The following SYN3 variants were observed in gnomAD, a reference collection of about 807,000 sequenced individuals.
The protein encoded by SYN3 is synapsin III, also known as synapsin-3.
A neutral mutation model predicts 65.8 loss-of-function variants in SYN3; 35 were observed. The observed-to-expected ratio is 0.53, with a 90% CI of 0.41 to 0.70. SYN3 has a LOEUF of 0.70. Among genes scored for constraint, SYN3 ranks in the 30% least tolerant of loss-of-function variants. The pLI, the probability that SYN3 is intolerant of heterozygous loss-of-function variation, is 0.00. For synonymous variants in SYN3, 270 were observed against 292.9 expected (o/e 0.92, Z 0.80); for missense variants, 680 against 749.0 (o/e 0.91, Z 1.08).
intron 3 of SYN3, chr22:32,947,377 G>A (rs1243456689): frequency 1.3e-5 from 2 of 152,146 alleles, no homozygotes; most frequent in African/African-American, 4.8e-5. Flanking sequence ...TTTATACCCA[G>A]CTCCTGGCAC....
intron 2 of SYN3, among the ~76,000 whole-genome samples, chr22:32,998,432 T>C (rs1041755491): frequency 6.6e-6 from 1 of 151,988 alleles, no homozygotes; most frequent in East Asian, 1.9e-4. Flanking sequence ...AAAGAAACCA[T>C]TGGGAAGGGT....
intron 6 of SYN3, among the ~76,000 whole-genome samples, chr22:32,737,408 T>G (rs1239189315): frequency 3.3e-5 from 5 of 152,172 alleles, no homozygotes. Flanking sequence ...GTTGGTGTGC[T>G]GCACCCATTA....
chr22:32,751,107 C>G (rs572511204), intron 6 of SYN3, among the ~76,000 whole-genome samples: 1 of 152,154 alleles, frequency 6.6e-6, no homozygotes, highest in Admixed American at 6.5e-5. Flanking sequence ...CAGCCCCCAG[C>G]CCCCAGCCGG....
intron 1 of SYN3, among the ~76,000 whole-genome samples, chr22:33,028,670 G>GTGGTGGTGATGGTGGTGGTGGTGA (rs1569413425): frequency 8.5e-6 from 1 of 118,086 alleles, no homozygotes; most frequent in East Asian, 2.8e-4. Flanking sequence ...GGTGGTGGTG[G>GTGGTGGTGATGGTGGTGGTGGTGA]TGGTGGTGGT....
intron 3 of SYN3, among the ~76,000 whole-genome samples, chr22:32,964,432 A>T (rs2051762823): frequency 6.6e-6 from 1 of 151,846 alleles, no homozygotes; most frequent in Admixed American, 6.6e-5. Context: ...AAAAAAAAAA[A>T]AAAAAAGAAA....
chr22:32,636,263 G>C (rs142434190), intron 6 of SYN3, among the ~76,000 whole-genome samples: 1 of 152,094 alleles, frequency 6.6e-6, no homozygotes, highest in Non-Finnish European at 1.5e-5. Flanking sequence ...TCAGCCGGGC[G>C]TGGTGGCCAG....
rs2020103 is a variant in SYN3 at position 32,930,362 on chromosome 22, A to T, written c.461+1028T>A. On this transcript the variant is annotated intron_variant, in intron 4 of 13. Transcript: ENST00000358763. ...TCTCTTGTCTGCCATCAGGTAAGAT[A>T]TGCCTTTCACCTTCCACCGTGATTG... Among the ~76,000 whole-genome samples the T allele has an allele frequency of 5.3e-5, 8 of 152,182 alleles. No individual in the cohort carries two copies. In the East Asian group the frequency reaches 9.7e-4, roughly 18 times the overall value.
At chr22:33,023,888 A>G (rs2053598388) in intron 1 of SYN3, among the ~76,000 whole-genome samples, 1 of 152,198 alleles carries the variant, frequency 6.6e-6, no homozygotes, top group South Asian at 2.1e-4. Context: ...TCATATATGT[A>G]TTCTAGTCTA....
At chr22:32,902,569 T>A (rs2049790578) in intron 4 of SYN3, among the ~76,000 whole-genome samples, 1 of 152,234 alleles carries the variant, frequency 6.6e-6, no homozygotes. Context: ...AGGCCCAGGT[T>A]GTACCTTGCT....
At chr22:32,783,623 T>C (rs2046124986) in intron 6 of SYN3, among the ~76,000 whole-genome samples, 1 of 152,096 alleles carries the variant, frequency 6.6e-6, no homozygotes, top group South Asian at 2.1e-4. Context: ...CTGTGCGCCG[T>C]CTCTGAAATA....
intron 1 of SYN3, 21 bp downstream of exon 1, chr22:33,058,271 T>C (rs1183276706): frequency 2.0e-5 from 3 of 151,908 alleles, no homozygotes; most frequent in Non-Finnish European, 2.9e-5. Context: ...AAAGTCTACT[T>C]TGCGGCGCCG....
At chr22:32,873,397 TG>T (rs1410114445) in intron 4 of SYN3, among the ~76,000 whole-genome samples, 1 of 152,168 alleles carries the variant, frequency 6.6e-6, no homozygotes, top group Non-Finnish European at 1.5e-5. Context: ...CTGGAAGCCT[TG>T]GTCTTAAAAG....
At chr22:32,994,471 C>G (rs933211457) in intron 2 of SYN3, among the ~76,000 whole-genome samples, 21 of 152,182 alleles carry the variant, frequency 1.4e-4, no homozygotes, top group Admixed American at 1.2e-3. Flanking sequence ...CCACCCCCAG[C>G]CCCTCCAGCC....
intron 6 of SYN3, among the ~76,000 whole-genome samples, chr22:32,640,958 G>A (rs1375119863): frequency 6.6e-6 from 1 of 152,138 alleles, no homozygotes; most frequent in Non-Finnish European, 1.5e-5. Flanking sequence ...AATAAGCATC[G>A]GGCTTCAAGT....
intron 7 of SYN3, among the ~76,000 whole-genome samples, chr22:32,547,927 C>G (rs2058357704): frequency 6.6e-6 from 1 of 152,202 alleles, no homozygotes; most frequent in Admixed American, 6.5e-5. Context: ...ATGAATGGCC[C>G]TCGTTATTCT....
At chr22:32,886,465 A>C (rs545428765) in intron 4 of SYN3, among the ~76,000 whole-genome samples, 1 of 152,296 alleles carries the variant, frequency 6.6e-6, no homozygotes, top group South Asian at 2.1e-4. Context: ...TTTGAGCTTC[A>C]GTTTCCTCAT....
intron 6 of SYN3, among the ~76,000 whole-genome samples, chr22:32,597,120 T>A (rs780279918): frequency 1.3e-5 from 2 of 151,884 alleles, no homozygotes; most frequent in African/African-American, 2.4e-5. Context: ...ACGGGGTTGC[T>A]GTGAGGATTG....
intron 4 of SYN3, among the ~76,000 whole-genome samples, chr22:32,901,683 G>A (rs1313522736): frequency 3.9e-5 from 6 of 152,178 alleles, no homozygotes; most frequent in Admixed American, 3.3e-4. Context: ...ACAACCCTCC[G>A]AAGTCGGTTC....
rs140670352 is a variant in SYN3 at position 32,916,868 on chromosome 22, T to C, written c.461+14522A>G. The stretch of plus-strand genomic sequence containing the variant: ...GACATTTTAAATGAAGATAGAGAGT[T>C]TGCAAACAGTAAATGCAAACTGTAA... On this transcript the variant is annotated intron_variant, in intron 4 of 13. Coordinates refer to ENST00000358763, the MANE Select transcript of SYN3 (RefSeq NM_003490.4). Among the ~76,000 whole-genome samples, 520 of 152,224 alleles carry C rather than the reference T, an allele frequency of 3.4e-3. 9 individuals carry two copies. The East Asian group carries it at 0.04, about 12-fold the overall frequency.
Sources: gnomAD v4.1 joint callset for allele counts (sites outside exome capture counted in the v4.1 genomes callset) on GRCh38, gnomAD v4.1.1 for gene constraint, MANE v1.5 for transcripts, NCBI Gene and HGNC (gene_info 2026-07-23, HGNC 2026-07-21) for gene names.